Variants in GPR39 observed in about 807,000 individuals in gnomAD.
The protein encoded by GPR39 is zinc sensing receptor.
In GPR39, 23 loss-of-function variants were observed where a neutral mutation model predicts 18.4. That is an observed-to-expected ratio of 1.25 (90% CI 0.90 to 1.77). GPR39 has a LOEUF of 1.77. Ranked by LOEUF, GPR39 falls within the 40% of genes most tolerant of loss-of-function variation. The probability of loss-of-function intolerance (pLI) is 0.00; values close to 1 mark genes in which losing one functional copy is unlikely to be tolerated. For synonymous variants in GPR39, 280 were observed against 257.9 expected (o/e 1.09, Z -0.82); for missense variants, 647 against 602.4 (o/e 1.07, Z -0.78).
At chr2:132,445,669 T>TTGCC (rs1553447981) in intron 1 of GPR39, among the ~76,000 whole-genome samples, 1 of 151,330 alleles carries the variant, frequency 6.6e-6, no homozygotes, top group Non-Finnish European at 1.5e-5. Flanking sequence ...TATGACAAAT[T>TTGCC]GTTTGCCATA....
chr2:132,449,111 A>G (rs908464077), intron 1 of GPR39, among the ~76,000 whole-genome samples: 3 of 152,224 alleles, frequency 2.0e-5, no homozygotes, highest in Non-Finnish European at 4.4e-5. Context: ...GGGTGATAGC[A>G]GGTGGGCAGA....
chr2:132,646,569 T>C lies in GPR39; in HGVS notation c.*963T>C. On this transcript the variant is annotated 3_prime_UTR_variant, in exon 2 of 2. Transcript: ENST00000329321. ...CTGTTAAATAGACTTATTTACATTT[T>C]AAGTCAGAGTTCACACTGTGTACAA... 3.3e-6 allele frequency: 1 copy of C among 303,508 alleles called. No individual in the cohort carries two copies. The highest frequency in any genetic ancestry group is 6.0e-6 in the Non-Finnish European group (1 of 166,342). 18.8% of individuals were successfully genotyped at this position (303,508 alleles called of 1,614,324 possible).
intron 1 of GPR39, among the ~76,000 whole-genome samples, chr2:132,443,702 T>C (rs1173174637): frequency 6.6e-6 from 1 of 152,216 alleles, no homozygotes; most frequent in East Asian, 1.9e-4. Flanking sequence ...ACATGTACAA[T>C]GATTAGTCAA....
chr2:132,614,246 G>A (rs762879767), intron 1 of GPR39, among the ~76,000 whole-genome samples: 9 of 150,798 alleles, frequency 6.0e-5, no homozygotes, highest in Non-Finnish European at 8.9e-5. Context: ...TTGCTCTGTC[G>A]CACAGACTGG....
chr2:132,451,657 C>T (rs376032086), intron 1 of GPR39, among the ~76,000 whole-genome samples: 6 of 152,070 alleles, frequency 3.9e-5, no homozygotes, highest in Admixed American at 6.6e-5. Context: ...TACTCTATTT[C>T]ACTTGTTTTA....
At chr2:132,521,651 C>T (rs1369572781) in intron 1 of GPR39, among the ~76,000 whole-genome samples, 1 of 152,154 alleles carries the variant, frequency 6.6e-6, no homozygotes, top group East Asian at 1.9e-4. Flanking sequence ...CAACCAATTT[C>T]ACCAGACTGG....
chr2:132,420,313 T>C (rs1453608387), intron 1 of GPR39, among the ~76,000 whole-genome samples: 10 of 152,194 alleles, frequency 6.6e-5, no homozygotes, highest in Admixed American at 1.3e-4. Context: ...TTCAAAGAGC[T>C]TTTAAAAATA....
chr2:132,494,924 T>G (rs574601209), intron 1 of GPR39, among the ~76,000 whole-genome samples: 1 of 152,142 alleles, frequency 6.6e-6, no homozygotes, highest in East Asian at 1.9e-4. Flanking sequence ...TGGAACTGGG[T>G]TTTGAGACAA....
At chr2:132,635,373 T>C (rs1187316921) in intron 1 of GPR39, among the ~76,000 whole-genome samples, 1 of 152,238 alleles carries the variant, frequency 6.6e-6, no homozygotes, top group African/African-American at 2.4e-5. Context: ...TGCAGTGTTA[T>C]GATGATGTGA....
intron 1 of GPR39, among the ~76,000 whole-genome samples, chr2:132,520,902 A>G (rs1679413151): frequency 6.6e-6 from 1 of 152,204 alleles, no homozygotes; most frequent in Non-Finnish European, 1.5e-5. Flanking sequence ...GGGGTCAGAG[A>G]GAGGGATCTG....
chr2:132,462,281 G>T (rs1680845961), intron 1 of GPR39, among the ~76,000 whole-genome samples: 1 of 152,226 alleles, frequency 6.6e-6, no homozygotes, highest in Non-Finnish European at 1.5e-5. Context: ...AGCAGGCCTT[G>T]TAGTATCAAG....
chr2:132,590,818 CGTGTGTGTGTGTGT>C (rs3066458), intron 1 of GPR39, among the ~76,000 whole-genome samples: 3 of 143,900 alleles, frequency 2.1e-5, no homozygotes, highest in Admixed American at 6.9e-5. Context: ...AAGTATTGTT[CGTGTGTGTGTGTGT>C]GTGTGTGTGT....
chr2:132,613,078 A>G (rs886936067), intron 1 of GPR39, among the ~76,000 whole-genome samples: 1 of 152,228 alleles, frequency 6.6e-6, no homozygotes, highest in African/African-American at 2.4e-5. Context: ...GTACCATTTT[A>G]AAATTGGCTT....
chr2:132,585,282 A>G (rs1252004981), intron 1 of GPR39, among the ~76,000 whole-genome samples: 1 of 151,966 alleles, frequency 6.6e-6, no homozygotes, highest in Non-Finnish European at 1.5e-5. Context: ...AGCTAGGGTC[A>G]TAGGAGTCCC....
intron 1 of GPR39, among the ~76,000 whole-genome samples, chr2:132,452,637 C>G (rs999018859): frequency 1.3e-5 from 2 of 151,804 alleles, no homozygotes; most frequent in Non-Finnish European, 2.9e-5. Context: ...AGTCCCCCAC[C>G]CCCCAATAGG....
intron 1 of GPR39, among the ~76,000 whole-genome samples, chr2:132,532,309 C>G (rs1400508266): frequency 6.6e-6 from 1 of 152,184 alleles, no homozygotes. Context: ...AGTTGAATCT[C>G]TGGATAGACC....
chr2:132,612,935 A>G (rs1038108380), intron 1 of GPR39, among the ~76,000 whole-genome samples: 3 of 152,210 alleles, frequency 2.0e-5, no homozygotes, highest in African/African-American at 7.2e-5. Context: ...AACCATGGAC[A>G]TGGTATACCC....
At position 132,416,831 on chromosome 2, in the gene GPR39, A is replaced by G. The variant is rs1346301956; in HGVS notation, c.-212A>G. On this transcript the variant is annotated 5_prime_UTR_variant, in exon 1 of 2. Coordinates refer to ENST00000329321, the MANE Select transcript of GPR39 (RefSeq NM_001508.3). ...CATACACTCCCAAACCTCAACACCC[A>G]GGCGCCTCCTGGGCCTCTCCTAGGT... is the stretch of plus-strand genomic sequence containing the variant. 2.2e-5 allele frequency: 14 copies of G among 626,766 alleles called. No homozygotes were observed. The highest frequency in any genetic ancestry group is 3.9e-5 in the Non-Finnish European group (14 of 361,874). 38.8% of individuals were successfully genotyped at this position (626,766 alleles called of 1,614,324 possible).
chr2:132,421,518 C>T (rs375164419), intron 1 of GPR39, among the ~76,000 whole-genome samples: 10 of 152,120 alleles, frequency 6.6e-5, no homozygotes, highest in African/African-American at 2.4e-4. Flanking sequence ...AGAATAATTA[C>T]ACTCTTTTGC....
Sources: gnomAD v4.1 joint callset for allele counts (sites outside exome capture counted in the v4.1 genomes callset) on GRCh38, gnomAD v4.1.1 for gene constraint, MANE v1.5 for transcripts, NCBI Gene and HGNC (gene_info 2026-07-23, HGNC 2026-07-21) for gene names.